LRP1B: variants seen among roughly 807,000 people sequenced by gnomAD.
LRP1B encodes low-density lipoprotein receptor-related protein 1B.
Under a neutral mutation model 556.6 loss-of-function variants are expected in LRP1B, and 217 were observed. That is an observed-to-expected ratio of 0.39 (90% confidence interval 0.35 to 0.44). The LOEUF (loss-of-function observed/expected upper bound fraction) is 0.44, where lower values mean the gene tolerates loss of function less well. Ranked by LOEUF, LRP1B falls within the 20% of genes least tolerant of loss-of-function variation. The pLI is 1.00. For synonymous variants in LRP1B, 2,047 were observed against 1,865.8 expected, an observed-to-expected ratio of 1.10 and a Z score of -2.50; for missense variants, 5,053 against 5,620.8, an observed-to-expected ratio of 0.90 and a Z score of 3.23.
chr2:140,323,540 A>C (rs1268514154), intron 81 of LRP1B, among the ~76,000 whole-genome samples: 2 of 152,034 alleles, frequency 1.3e-5, no homozygotes, highest in African/African-American at 4.8e-5. Context: ...CCAACATGGC[A>C]CATGTATACA....
At chr2:141,179,459 A>C (rs1201389296) in intron 7 of LRP1B, among the ~76,000 whole-genome samples, 1 of 152,070 alleles carries the variant, frequency 6.6e-6, no homozygotes, top group Non-Finnish European at 1.5e-5. Context: ...ATCATTATGA[A>C]GATCAATCGC....
intron 2 of LRP1B, among the ~76,000 whole-genome samples, chr2:141,769,940 G>A (rs753324219): frequency 1.3e-5 from 2 of 152,140 alleles, no homozygotes; most frequent in Non-Finnish European, 2.9e-5. Context: ...GTTACCCAGA[G>A]ACTTATTGGC....
chr2:141,870,758 A>G (rs916785519), intron 1 of LRP1B, among the ~76,000 whole-genome samples: 1 of 151,930 alleles, frequency 6.6e-6, no homozygotes, highest in Non-Finnish European at 1.5e-5. Context: ...CTGTCATAGA[A>G]AAGTCATCGT....
At chr2:141,145,120 T>C (rs1347161243) in intron 7 of LRP1B, among the ~76,000 whole-genome samples, 1 of 152,254 alleles carries the variant, frequency 6.6e-6, no homozygotes, top group Non-Finnish European at 1.5e-5. Context: ...AATTTTTCTC[T>C]ATTTTAATGT....
chr2:141,997,648 C>CAT (rs138886100), intron 1 of LRP1B, among the ~76,000 whole-genome samples: 40,782 of 138,742 alleles, frequency 0.29, 6,650 homozygotes, highest in African/African-American at 0.46. Context: ...GCACCCAGCC[C>CAT]ATATATATAT....
chr2:141,161,174 C>T (rs1262055008), intron 7 of LRP1B, among the ~76,000 whole-genome samples: 1 of 151,814 alleles, frequency 6.6e-6, no homozygotes, highest in Non-Finnish European at 1.5e-5. Flanking sequence ...AAGTTTTCTC[C>T]ATTACTTTTA....
intron 3 of LRP1B, among the ~76,000 whole-genome samples, chr2:141,455,500 G>A (rs1456182978): frequency 7.1e-6 from 1 of 140,812 alleles, no homozygotes; most frequent in Non-Finnish European, 1.6e-5. Context: ...TCATAATGAC[G>A]TTCATTTTTT....
intron 56 of LRP1B, among the ~76,000 whole-genome samples, chr2:140,494,910 C>A (rs1688851372): frequency 6.6e-6 from 1 of 151,942 alleles, no homozygotes; most frequent in East Asian, 1.9e-4. Flanking sequence ...AATAGAGATG[C>A]CCTTAGTCAC....
chr2:140,811,049 T>C (rs1043028249), intron 32 of LRP1B, among the ~76,000 whole-genome samples: 1 of 152,120 alleles, frequency 6.6e-6, no homozygotes, highest in Non-Finnish European at 1.5e-5. Context: ...GGTTTTTTTT[T>C]GTTTTTGTTT....
chr2:141,834,242 T>A (rs1393378053), intron 1 of LRP1B, among the ~76,000 whole-genome samples: 1 of 151,866 alleles, frequency 6.6e-6, no homozygotes, highest in African/African-American at 2.4e-5. Context: ...AGAAGCAGCA[T>A]CTGGCTATGC....
chr2:141,986,711 C>T (rs911670156), intron 1 of LRP1B, among the ~76,000 whole-genome samples: 2 of 151,900 alleles, frequency 1.3e-5, no homozygotes, highest in African/African-American at 4.8e-5. Context: ...AATCTCTTAA[C>T]TGATGAAGAT....
At chr2:141,019,844 A>G (rs1698014346) in intron 12 of LRP1B, 78 bp downstream of exon 12, 1 of 1,090,098 alleles carries the variant, frequency 9.2e-7, no homozygotes, top group East Asian at 2.7e-5. Flanking sequence ...GATTTAAATA[A>G]AACTATTATT....
At chr2:141,472,618 G>A (rs538173041) in intron 3 of LRP1B, among the ~76,000 whole-genome samples, 3 of 152,208 alleles carry the variant, frequency 2.0e-5, no homozygotes, top group African/African-American at 4.8e-5. Context: ...GATCCATAAT[G>A]CACCAGGAAT....
At chr2:141,090,876 T>C (rs1203753880) in intron 7 of LRP1B, among the ~76,000 whole-genome samples, 1 of 152,166 alleles carries the variant, frequency 6.6e-6, no homozygotes, top group Non-Finnish European at 1.5e-5. Flanking sequence ...TATGAACTAC[T>C]TGTACTGATA....
rs1190528423 is a variant in LRP1B, at chr2:140,234,831, CG to C, written c.13613del (p.Pro4538ArgfsTer5). On this transcript the variant is annotated frameshift_variant, in exon 90 of 91. Transcript: ENST00000389484. LOFTEE classifies it high-confidence loss of function. ...TCAAATCAGAGTTTAGGTAGATGGG[CG>C]GCGCTGTGTGTGGAAGCTTGAAAGC... The part of the protein sequence containing the change: ...PSAFKLPHTA[P>X]PIYLNSDLKG... 2.6e-6 allele frequency: 2 copies of C among 775,556 alleles called. No individual in the cohort carries two copies. Among genetic ancestry groups the C allele is most frequent in the African/African-American group, 1.7e-5 (1 of 58,634 alleles). 48.0% of individuals were successfully genotyped at this position (775,556 alleles called of 1,614,324 possible). A position where few individuals can be genotyped will look rare whatever the true frequency, so the allele number is the denominator to read the frequency against.
chr2:141,786,196 G>T (rs1270491216), intron 2 of LRP1B, among the ~76,000 whole-genome samples: 4 of 151,910 alleles, frequency 2.6e-5, no homozygotes, highest in Non-Finnish European at 5.9e-5. Context: ...TGGCACTTAT[G>T]ATGGCAACTT....
At chr2:140,819,163 G>T (rs1449760458) in intron 31 of LRP1B, among the ~76,000 whole-genome samples, 1 of 152,056 alleles carries the variant, frequency 6.6e-6, no homozygotes, top group East Asian at 1.9e-4. Flanking sequence ...CACATGGAAA[G>T]CATGAAATAA....
chr2:140,752,431 TCTC>T (rs1348165576), intron 35 of LRP1B, among the ~76,000 whole-genome samples: 3 of 151,482 alleles, frequency 2.0e-5, no homozygotes, highest in African/African-American at 7.3e-5. Flanking sequence ...TTCAAGCTAT[TCTC>T]CTCTCTCAGC....
At chr2:141,331,541 T>C (rs1395832912) in intron 3 of LRP1B, among the ~76,000 whole-genome samples, 2 of 144,648 alleles carry the variant, frequency 1.4e-5, no homozygotes, top group African/African-American at 5.5e-5. Context: ...TCTTTCTTTC[T>C]TTCTTTCTTT....
Sources: allele counts gnomAD v4.1 joint callset (sites outside exome capture counted in the v4.1 genomes callset), GRCh38; gene constraint gnomAD v4.1.1; transcripts MANE v1.5; gene names NCBI Gene and HGNC (gene_info 2026-07-23, HGNC 2026-07-21).